Variants in CFAP20DC observed in about 807,000 individuals in gnomAD.
CFAP20DC encodes the protein protein CFAP20DC.
A neutral mutation model predicts 101.7 loss-of-function variants in CFAP20DC; 84 were observed. The observed-to-expected ratio is 0.83, with a 90% confidence interval of 0.69 to 0.99. The LOEUF is 0.99. Ranked by LOEUF, CFAP20DC falls within the 50% of genes least tolerant of loss-of-function variation. The pLI, the probability that CFAP20DC is intolerant of heterozygous loss-of-function variation, is 0.00. For synonymous variants in CFAP20DC, 359 were observed against 351.2 expected (o/e 1.02, Z -0.25); for missense variants, 1,007 against 970.3 (o/e 1.04, Z -0.50).
At chr3:58,921,265 TTCTA>T (rs1442318039) in intron 5 of CFAP20DC, among the ~76,000 whole-genome samples, 1 of 152,060 alleles carries the variant, frequency 6.6e-6, no homozygotes, top group African/African-American at 2.4e-5. Flanking sequence ...ATTTAATTAC[TTCTA>T]TCTTTCTGTA....
intron 13 of CFAP20DC, among the ~76,000 whole-genome samples, chr3:58,839,087 A>G (rs1443962038): frequency 6.6e-6 from 1 of 152,232 alleles, no homozygotes; most frequent in Non-Finnish European, 1.5e-5. Context: ...GTAAGCTTGA[A>G]CTGTTTTAGA....
chr3:58,880,468 G>A (rs2081151746), intron 7 of CFAP20DC, among the ~76,000 whole-genome samples: 1 of 152,094 alleles, frequency 6.6e-6, no homozygotes, highest in South Asian at 2.1e-4. Flanking sequence ...CAAGTAGTTT[G>A]TCTCTGGATT....
chr3:58,807,290 C>T (rs1047809478), intron 14 of CFAP20DC, among the ~76,000 whole-genome samples: 4 of 152,310 alleles, frequency 2.6e-5, no homozygotes, highest in Non-Finnish European at 4.4e-5. Context: ...CCCTGACCTC[C>T]AAGCAGCCTA....
downstream of CFAP20DC, among the ~76,000 whole-genome samples, chr3:58,739,782 T>C (rs1575524859): frequency 6.6e-6 from 1 of 152,364 alleles, no homozygotes; most frequent in East Asian, 1.9e-4. Context: ...TATAGCCTAG[T>C]TAATGAATTT....
At chr3:58,980,812 C>T (rs1181413135) in intron 4 of CFAP20DC, among the ~76,000 whole-genome samples, 1 of 152,184 alleles carries the variant, frequency 6.6e-6, no homozygotes. Flanking sequence ...GGGATGCCCT[C>T]TCTCACCACT....
chr3:58,938,255 T>G (rs1260436934), intron 4 of CFAP20DC, among the ~76,000 whole-genome samples: 1 of 152,228 alleles, frequency 6.6e-6, no homozygotes, highest in Non-Finnish European at 1.5e-5. Context: ...CCTAAGCACA[T>G]ATCTTCCAAC....
chr3:58,785,745 G>A (rs150258208), intron 15 of CFAP20DC, among the ~76,000 whole-genome samples: 9 of 152,108 alleles, frequency 5.9e-5, no homozygotes, highest in Admixed American at 2.6e-4. Flanking sequence ...ATATGCTTCC[G>A]TGACCTAAAA....
chr3:58,802,113 C>A (rs1357055648), intron 15 of CFAP20DC, among the ~76,000 whole-genome samples: 4 of 152,168 alleles, frequency 2.6e-5, no homozygotes, highest in African/African-American at 9.7e-5. Context: ...TATGAACAGA[C>A]AACCAGAAGG....
intron 5 of CFAP20DC, among the ~76,000 whole-genome samples, chr3:58,931,526 G>C (rs28858084): frequency 0.063 from 9,557 of 152,184 alleles, 989 homozygotes; most frequent in African/African-American, 0.22. Flanking sequence ...GCACCCCCCA[G>C]TAGGGGCAGA....
chr3:58,808,117 G>A (rs1234403305), intron 14 of CFAP20DC, among the ~76,000 whole-genome samples: 2 of 152,196 alleles, frequency 1.3e-5, no homozygotes, highest in African/African-American at 2.4e-5. Flanking sequence ...CAGGGAGAAT[G>A]GAACCAAGTT....
In CFAP20DC at chr3:58,734,129, ACT is replaced by A. The variant is rs369453358; in HGVS notation, c.198-16503_198-16502del. Among the ~76,000 whole-genome samples, 131 of 148,274 alleles carry A rather than the reference ACT, an allele frequency of 8.8e-4. 1 individual carries two copies. The highest frequency in any genetic ancestry group is 3.1e-3 in the African/African-American group (126 of 40,184). ...AAAAGTGTGTAGCACATCCACATTC[ACT>A]CTCTCTCTCTCTCCTGCTCTGCCAT... On this transcript the variant is annotated intron_variant, in intron 3 of 3. Transcript: ENST00000486145.
At chr3:58,942,068 T>C (rs2088687250) in intron 4 of CFAP20DC, among the ~76,000 whole-genome samples, 1 of 152,194 alleles carries the variant, frequency 6.6e-6, no homozygotes, top group Non-Finnish European at 1.5e-5. Flanking sequence ...CTTTTTTCAA[T>C]CATGAAAGGT....
intron 4 of CFAP20DC, among the ~76,000 whole-genome samples, chr3:58,961,134 T>G (rs2091099101): frequency 6.6e-6 from 1 of 152,242 alleles, no homozygotes; most frequent in South Asian, 2.1e-4. Context: ...TGTTTCTAGA[T>G]TTTGTTTTCT....
rs1479989684 is a variant in CFAP20DC at position 59,001,408 on chromosome 3, CCTT to C, written c.278+38146_278+38148del. 6.6e-6 allele frequency among the ~76,000 whole-genome samples: 1 copy of C among 152,060 alleles called. No homozygotes were observed. Among genetic ancestry groups the C allele is most frequent in the Non-Finnish European group, 1.5e-5 (1 of 67,996 alleles). On this transcript the variant is annotated intron_variant, in intron 4 of 16. Coordinates refer to ENST00000482387, the MANE Select transcript of CFAP20DC (RefSeq NM_001394063.1). The surrounding 1 kb of genome is among the most constrained non-coding windows in gnomAD (Gnocchi z 4.5). ...TCCCTCTCTCCCTCTCTCCCTCTCTCCTTCTCTCTCTCCTCTCTTAAGTTTCAC... is the reference window on the plus strand; with the variant it reads ...TCCCTCTCTCCCTCTCTCCCTCTCTCCTCTCTCTCCTCTCTTAAGTTTCAC...
At chr3:58,792,914 T>C (rs1271362966) in intron 15 of CFAP20DC, among the ~76,000 whole-genome samples, 2 of 152,114 alleles carry the variant, frequency 1.3e-5, no homozygotes, top group African/African-American at 4.8e-5. Flanking sequence ...TTAAAATGTA[T>C]ATTACAAATG....
intron 14 of CFAP20DC, among the ~76,000 whole-genome samples, chr3:58,808,829 G>A (rs1166712218): frequency 1.3e-5 from 2 of 152,104 alleles, no homozygotes; most frequent in Non-Finnish European, 2.9e-5. Flanking sequence ...CATCTCACAT[G>A]CAGAGACACA....
intron 4 of CFAP20DC, among the ~76,000 whole-genome samples, chr3:59,021,946 AT>A (rs1382415334): frequency 1.3e-5 from 2 of 152,024 alleles, no homozygotes; most frequent in Non-Finnish European, 2.9e-5. Flanking sequence ...ATATAAATAG[AT>A]TTCTGACCTT....
At position 58,742,465 on chromosome 3, in the gene CFAP20DC, C is replaced by T; in HGVS notation, c.2440G>A (p.Val814Ile). ...CTCTGCCCCGGAAGGAGGCATTATA[C>T]CAACTCATAGTATTTCCCTGTTTGG... is the stretch of plus-strand genomic sequence containing the variant. ...DPQTGKYYEL[V>I] The change falls in exon 17 of 17, where the codon GTA becomes ATA. Residue 814 changes from valine (V) to isoleucine (I), a missense_variant. Transcript: ENST00000482387. The T allele has an allele frequency of 6.3e-7, 1 of 1,599,924 alleles. No homozygotes were observed. Among genetic ancestry groups the T allele is most frequent in the East Asian group, 2.3e-5 (1 of 44,052 alleles).
chr3:58,842,647 T>C (rs980112013), intron 13 of CFAP20DC, among the ~76,000 whole-genome samples: 1 of 152,198 alleles, frequency 6.6e-6, no homozygotes, highest in Non-Finnish European at 1.5e-5. Context: ...AAGCTCTAAC[T>C]GGGTGGAGCC....
Sources: gnomAD v4.1 joint callset for allele counts (sites outside exome capture counted in the v4.1 genomes callset) on GRCh38, gnomAD v4.1.1 for gene constraint, Gnocchi (gnomAD v3.1) non-coding constraint, MANE v1.5 for transcripts, NCBI Gene and HGNC (gene_info 2026-07-23, HGNC 2026-07-21) for gene names.